The following MACROH2A1 variants were observed in gnomAD, a reference collection of about 807,000 sequenced individuals.
MACROH2A1 encodes macroH2A.1 histone, also known as core histone macro-H2A.1.
In MACROH2A1, 2 loss-of-function variants were observed where a neutral mutation model predicts 31.6. That is an observed-to-expected ratio of 0.06 (90% CI 0.03 to 0.20). MACROH2A1 has a LOEUF of 0.20. Ranked by LOEUF, MACROH2A1 falls within the 10% of genes least tolerant of loss-of-function variation. MACROH2A1 has a pLI of 1.00. For synonymous variants in MACROH2A1, 169 were observed against 189.6 expected (o/e 0.89, Z 0.89); for missense variants, 230 against 474.0 (o/e 0.49, Z 4.78).
intron 7 of MACROH2A1, 105 bp from the exon 8 acceptor site, chr5:135,343,539 C>T: frequency 6.6e-7 from 1 of 1,506,746 alleles, no homozygotes; most frequent in Non-Finnish European, 9.0e-7. Context: ...CTTCCTGGGC[C>T]CTCCAATGCC....
At chr5:135,373,698 G>A (rs1055036543) in intron 2 of MACROH2A1, among the ~76,000 whole-genome samples, 1 of 152,120 alleles carries the variant, frequency 6.6e-6, no homozygotes, top group Non-Finnish European at 1.5e-5. Context: ...CTTTACCAAG[G>A]AGCCCCAGAA....
Position 135,369,420 on chromosome 5 carries a change from C to T in MACROH2A1, c.463G>A (p.Ala155Thr), listed in dbSNP as rs1472687077. The T allele has an allele frequency of 6.2e-7, 1 of 1,613,952 alleles. No homozygotes were observed. The highest frequency in any genetic ancestry group is 1.3e-5 in the African/African-American group (1 of 74,910). The change falls in exon 4 of 9, where the codon GCC becomes ACC. Residue 155 changes from alanine (A) to threonine (T), a missense_variant. Transcript: ENST00000511689. The surrounding 1 kb of genome is among the most constrained non-coding windows in gnomAD (Gnocchi z 4.3). ...VSKKAGGKKG[A>T]RKSKKKQGEV... The stretch of plus-strand genomic sequence containing the variant: ...AAATCACATACCTTGGATTTCCGGG[C>T]CCCTTTCTTGCCTCCTGCTTTTTTA...
intron 6 of MACROH2A1, chr5:135,346,309 T>C (rs1760828764): frequency 2.0e-6 from 1 of 497,564 alleles, no homozygotes; most frequent in East Asian, 3.6e-5. Flanking sequence ...CTCAGGGTGA[T>C]CATGGATGTG....
intron 8 of MACROH2A1, chr5:135,337,897 A>G: frequency 1.9e-6 from 2 of 1,047,400 alleles, no homozygotes; most frequent in African/African-American, 1.7e-5. Context: ...TTCCAGGACA[A>G]CCCTTTGTTG....
At chr5:135,363,285 G>A (rs1222865661) in intron 4 of MACROH2A1, among the ~76,000 whole-genome samples, 1 of 152,158 alleles carries the variant, frequency 6.6e-6, no homozygotes, top group African/African-American at 2.4e-5. Context: ...GCACTCCAGA[G>A]ACAAGCCATC....
rs537689254 is a variant in MACROH2A1 at position 135,344,572 on chromosome 5, T to C, written c.779-1138A>G. 4 of 152,220 alleles carry C rather than the reference T, an allele frequency of 2.6e-5. No individual in the cohort carries two copies. In the East Asian group the frequency reaches 7.7e-4, roughly 29 times the overall value. 9.4% of individuals were successfully genotyped at this position (152,220 alleles called of 1,614,324 possible). ...TGGGCTGACCTATAAAAACCTGACATTGGGGGTTGAATTAAACCAGTGGGT... is the reference window on the plus strand; with the variant it reads ...TGGGCTGACCTATAAAAACCTGACACTGGGGGTTGAATTAAACCAGTGGGT... On this transcript the variant is annotated intron_variant, in intron 7 of 8. Transcript: ENST00000511689.
intron 8 of MACROH2A1, chr5:135,337,829 T>C: frequency 6.7e-6 from 3 of 448,196 alleles, no homozygotes; most frequent in Non-Finnish European, 9.2e-6. Context: ...CACCGGAATG[T>C]CCCTGGCCTT....
intron 4 of MACROH2A1, chr5:135,361,593 C>G (rs967042548): frequency 2.6e-5 from 4 of 152,098 alleles, no homozygotes; most frequent in African/African-American, 9.7e-5. Context: ...TTTCCCTTCC[C>G]CAAATTATTA....
intron 2 of MACROH2A1, among the ~76,000 whole-genome samples, chr5:135,387,251 A>G (rs1766543509): frequency 6.6e-6 from 1 of 152,224 alleles, no homozygotes; most frequent in East Asian, 1.9e-4. Flanking sequence ...CTTAGTTCAC[A>G]TTACCAGGCC....
At chr5:135,374,249 G>A (rs1337070550) in intron 2 of MACROH2A1, among the ~76,000 whole-genome samples, 1 of 152,216 alleles carries the variant, frequency 6.6e-6, no homozygotes, top group Non-Finnish European at 1.5e-5. Flanking sequence ...CAGCAGAGGT[G>A]CAAAATGCCA....
intron 6 of MACROH2A1, among the ~76,000 whole-genome samples, chr5:135,347,779 C>T (rs1346607885): frequency 1.3e-5 from 2 of 152,224 alleles, no homozygotes; most frequent in African/African-American, 4.8e-5. Context: ...CACACTGCTG[C>T]CCCTGGGGCC....
At chr5:135,375,035 T>C (rs1211688933) in intron 2 of MACROH2A1, among the ~76,000 whole-genome samples, 1 of 152,228 alleles carries the variant, frequency 6.6e-6, no homozygotes, top group Non-Finnish European at 1.5e-5. Context: ...TGAAGAGGAC[T>C]GTAAGTGTGG....
rs534193533 is a variant in MACROH2A1, at chr5:135,390,016, T to C, written c.-33-890A>G. On this transcript the variant is annotated intron_variant, in intron 1 of 8. Transcript: ENST00000511689. ...TAGAACCAGGACTCTTGGCCTGCCA[T>C]GTAATGCCCTAGAAATCTAGGCCTG... Among the ~76,000 whole-genome samples the C allele has an allele frequency of 4.6e-5, 7 of 152,344 alleles. No individual in the cohort carries two copies. The East Asian group carries it at 1.2e-3, about 25-fold the overall frequency.
At chr5:135,358,481 G>A (rs926436062) in intron 5 of MACROH2A1, 9 of 985,250 alleles carry the variant, frequency 9.1e-6, no homozygotes, top group Non-Finnish European at 1.1e-5. Flanking sequence ...GTAGCCTGGT[G>A]TTTTGTTTTC....
At position 135,377,724 on chromosome 5, in the gene MACROH2A1, A is replaced by G. The variant is rs146978934; in HGVS notation, c.173-7582T>C. 6.3e-3 allele frequency among the ~76,000 whole-genome samples: 955 copies of G among 152,344 alleles called. 7 individuals are homozygous for G. The highest frequency in any genetic ancestry group is 0.018 in the South Asian group (87 of 4,828). ...CATATTTTCCTTTCAAAATGAAAAT[A>G]ATTATAACACTGGATAGATGAGAAG... On this transcript the variant is annotated intron_variant, in intron 2 of 8. Coordinates refer to ENST00000511689, the MANE Select transcript of MACROH2A1 (RefSeq NM_138610.3).
chr5:135,376,682 G>A (rs1244213926), intron 2 of MACROH2A1, among the ~76,000 whole-genome samples: 1 of 152,208 alleles, frequency 6.6e-6, no homozygotes, highest in African/African-American at 2.4e-5. Flanking sequence ...ATGTGGCCAA[G>A]TGCATCTAAG....
At chr5:135,391,751 C>T (rs1767273125) in intron 1 of MACROH2A1, among the ~76,000 whole-genome samples, 1 of 152,170 alleles carries the variant, frequency 6.6e-6, no homozygotes. Flanking sequence ...CTTCTCTGTC[C>T]ACCCCACAGC....
At chr5:135,336,860 A>C (rs1031118613) in intron 8 of MACROH2A1, among the ~76,000 whole-genome samples, 4 of 152,180 alleles carry the variant, frequency 2.6e-5, no homozygotes, top group African/African-American at 9.7e-5. Context: ...GCTTGAGGAG[A>C]TAAAAACTCA....
rs1581403558 is a variant in MACROH2A1, at chr5:135,398,620, C to G, written c.-34+442G>C. On this transcript the variant is annotated intron_variant, in intron 1 of 8. Coordinates refer to ENST00000511689, the MANE Select transcript of MACROH2A1 (RefSeq NM_138610.3). This position sits in a 1 kb window ranked among gnomAD's most constrained non-coding sequence, Gnocchi z 4.6. ...CCGGGGCCGGCAACTCGCGGGCCGGCGGGGGCCTCACCAAGTACAACTCTG... is the reference window on the plus strand; with the variant it reads ...CCGGGGCCGGCAACTCGCGGGCCGGGGGGGGCCTCACCAAGTACAACTCTG... Among the ~76,000 whole-genome samples, 1 of 152,198 alleles carries G rather than the reference C, an allele frequency of 6.6e-6. No individual in the cohort carries two copies. The highest frequency in any genetic ancestry group is 1.5e-5 in the Non-Finnish European group (1 of 68,026).
Sources: gnomAD v4.1 joint callset for allele counts (sites outside exome capture counted in the v4.1 genomes callset) on GRCh38, gnomAD v4.1.1 for gene constraint, Gnocchi (gnomAD v3.1) non-coding constraint, MANE v1.5 for transcripts, NCBI Gene and HGNC (gene_info 2026-07-23, HGNC 2026-07-21) for gene names.